Variants in CEACAM20 observed in about 807,000 individuals in gnomAD.
CEACAM20 encodes cell adhesion molecule CEACAM20.
In CEACAM20, 50 loss-of-function variants were observed where a neutral mutation model predicts 61.2. The observed-to-expected ratio is 0.82, with a 90% CI of 0.65 to 1.03. The LOEUF is 1.03. Ranked by LOEUF, CEACAM20 falls within the 50% of genes least tolerant of loss-of-function variation. CEACAM20 has a pLI of 0.00. For synonymous variants in CEACAM20, 282 were observed against 287.7 expected (o/e 0.98, Z 0.20); for missense variants, 683 against 736.4 (o/e 0.93, Z 0.84).
intron 11 of CEACAM20, among the ~76,000 whole-genome samples, chr19:44,507,037 A>G (rs1372809595): frequency 2.0e-5 from 3 of 152,160 alleles, no homozygotes; most frequent in Non-Finnish European, 4.4e-5. Context: ...TCCCTCCAGA[A>G]TGTAGCAGAC....
intron 6 of CEACAM20, among the ~76,000 whole-genome samples, chr19:44,514,626 T>G (rs1023515212): frequency 2.0e-5 from 3 of 151,826 alleles, no homozygotes; most frequent in Non-Finnish European, 4.4e-5. Context: ...TTTGTGTGTG[T>G]GTGTGTATTT....
intron 1 of CEACAM20, 84 bp downstream of exon 1, chr19:44,529,354 GCACACACACACACACACACA>G (rs71940010): frequency 3.3e-5 from 22 of 660,324 alleles, no homozygotes; most frequent in East Asian, 6.1e-5. Flanking sequence ...TTCCTCGAGT[GCACACACACACACACACACA>G]CACACACACA....
Position 44,511,640 on chromosome 19 carries a change from A to G in CEACAM20, c.1608T>C (p.Tyr536=). The G allele has an allele frequency of 5.0e-6, 8 of 1,612,730 alleles. No individual in the cohort carries two copies. The highest frequency in any genetic ancestry group is 6.8e-6 in the Non-Finnish European group (8 of 1,179,500). Reference sequence around the variant, plus strand: ...AAACCCAGCAGGGCCAATGTACCTCATAGGTCTCCTCTGGAAGGTCTGGTG... The same window carrying G: ...AAACCCAGCAGGGCCAATGTACCTCGTAGGTCTCCTCTGGAAGGTCTGGTG... ...MQPPDLPEET[Y]ETKLPSASRR... The change falls in exon 10 of 12, where the codon TAT becomes TAC. Residue 536 remains tyrosine, a synonymous_variant. Coordinates refer to ENST00000614924, the MANE Select transcript of CEACAM20 (RefSeq NM_001102597.3).
At chr19:44,527,577 GA>G (rs1971565986) in intron 1 of CEACAM20, among the ~76,000 whole-genome samples, 1 of 152,122 alleles carries the variant, frequency 6.6e-6, no homozygotes, top group African/African-American at 2.4e-5. Flanking sequence ...CCTCTCTGTG[GA>G]AAGCCTGCCA....
At chr19:44,515,984 C>T (rs1387459205) in intron 6 of CEACAM20, among the ~76,000 whole-genome samples, 4 of 152,166 alleles carry the variant, frequency 2.6e-5, no homozygotes, top group African/African-American at 9.7e-5. Flanking sequence ...ATATGCCAAG[C>T]ACTGCCCTAA....
intron 6 of CEACAM20, among the ~76,000 whole-genome samples, chr19:44,516,332 T>A (rs1046675017): frequency 1.3e-5 from 2 of 152,222 alleles, no homozygotes; most frequent in African/African-American, 2.4e-5. Flanking sequence ...ACGATATGAT[T>A]TGGCTGTGTC....
Position 44,520,608 on chromosome 19 carries a change from T to G in CEACAM20, c.896A>C (p.His299Pro). The change falls in exon 5 of 12, where the codon CAC (histidine) becomes CCC (proline). Residue 299 changes from histidine to proline, a missense_variant. Coordinates refer to ENST00000614924, the MANE Select transcript of CEACAM20 (RefSeq NM_001102597.3). The part of the protein sequence containing the change: ...LSGQPLLPSE[H>P]LQLSADNRTL... The stretch of plus-strand genomic sequence containing the variant: ...CCTGTTGTCAGCTGACAGCTGCAGG[T>G]GCTCACTGGGCAGGAGGGGCTGGCC... The G allele has an allele frequency of 6.2e-7, 1 of 1,613,956 alleles. No homozygotes were observed. Among genetic ancestry groups the G allele is most frequent in the Non-Finnish European group, 8.5e-7 (1 of 1,179,878 alleles).
rs1439473386 is a variant in CEACAM20, at chr19:44,516,939, G to T, written c.1309+7C>A. The stretch of plus-strand genomic sequence containing the variant: ...GTCCTGGGAGAAGGCGACCCTGAGA[G>T]ACTCACCTACCACCTTGACCAGGAC... On this transcript the variant is annotated splice_region_variant and intron_variant, in intron 6 of 11. Coordinates refer to ENST00000614924, the MANE Select transcript of CEACAM20 (RefSeq NM_001102597.3). The T allele has an allele frequency of 6.3e-7, 1 of 1,591,354 alleles. No homozygotes were observed. The highest frequency in any genetic ancestry group is 2.3e-5 in the East Asian group (1 of 43,894).
At chr19:44,511,797 G>C (rs745631959) in intron 9 of CEACAM20, 125 bp from the exon 10 acceptor site, 1 of 1,040,746 alleles carries the variant, frequency 9.6e-7, no homozygotes, top group Admixed American at 2.2e-5. Context: ...AGGGCTCAAA[G>C]CTAGGAATTG....
At position 44,529,480 on chromosome 19, in the gene CEACAM20, G is replaced by C; in HGVS notation, c.30C>G (p.His10Gln). Residue 10 changes from histidine (H) to glutamine (Q), a missense_variant, in exon 1 of 12, where the codon CAC becomes CAG. By Grantham distance (24) the His-to-Gln change is conservative. Transcript: ENST00000614924. MGPADSWGH[H>Q]WMGILLSASL... ...CACCTGAAAGCAGGATTCCCATCCA[G>C]TGGTGTCCCCATGAGTCAGCAGGCC... 3 of 1,613,672 alleles carry C rather than the reference G, an allele frequency of 1.9e-6. No individual in the cohort carries two copies. The South Asian group carries it at 3.3e-5, about 18-fold the overall frequency.
At chr19:44,529,349 C>A in intron 1 of CEACAM20, 109 bp downstream of exon 1, 1 of 950,180 alleles carries the variant, frequency 1.1e-6, no homozygotes, top group South Asian at 1.5e-5. Flanking sequence ...TCTTTTTCCT[C>A]GAGTGCACAC....
Position 44,512,907 on chromosome 19 carries a change from G to A in CEACAM20, c.1474C>T (p.Pro492Ser). 1 of 1,613,818 alleles carries A rather than the reference G, an allele frequency of 6.2e-7. No homozygotes were observed. Among genetic ancestry groups the A allele is most frequent in the South Asian group, 1.1e-5 (1 of 91,010 alleles). Residue 492 changes from proline to serine, a missense_variant, in exon 8 of 12, where the codon CCC (proline) becomes TCC (serine). Pro to Ser is a moderately conservative substitution (Grantham distance 74). Coordinates refer to ENST00000614924, the MANE Select transcript of CEACAM20 (RefSeq NM_001102597.3). The part of the protein sequence containing the change: ...TEDPSHETSQ[P>S]IPKEEHPTEP... ...GTGGGGTGCTCCTCCTTCGGGATGG[G>A]TTGTGAGGTCTCATGACTGGGGTCC...
Position 44,512,970 on chromosome 19 carries a change from C to T in CEACAM20, c.1428-17G>A. The T allele has an allele frequency of 6.3e-7, 1 of 1,599,662 alleles. No individual in the cohort carries two copies. The highest frequency in any genetic ancestry group is 8.5e-7 in the Non-Finnish European group (1 of 1,170,856). On this transcript the variant is annotated splice_polypyrimidine_tract_variant and intron_variant, in intron 7 of 11. Coordinates refer to ENST00000614924, the MANE Select transcript of CEACAM20 (RefSeq NM_001102597.3). ...CTTGAGGGCCTGAAACCCCAAAGCC[C>T]TCATTATTCTGTGCCTCTAGTCCTT...
At chr19:44,524,403 G>T in intron 2 of CEACAM20, 142 bp from the exon 3 acceptor site, 1 of 873,868 alleles carries the variant, frequency 1.1e-6, no homozygotes, top group Non-Finnish European at 1.7e-6. Context: ...GGGCTTGAAT[G>T]CTGGATCTAC....
intron 3 of CEACAM20, among the ~76,000 whole-genome samples, chr19:44,523,382 C>A (rs1971428199): frequency 4.6e-5 from 7 of 151,866 alleles, no homozygotes; most frequent in Admixed American, 4.6e-4. Flanking sequence ...GCACTCCAGC[C>A]TGGACAGCAG....
intron 5 of CEACAM20, among the ~76,000 whole-genome samples, chr19:44,518,889 G>A (rs1276606105): frequency 2.6e-5 from 4 of 152,060 alleles, no homozygotes; most frequent in Non-Finnish European, 5.9e-5. Context: ...ACCCTCTGTG[G>A]CTCCCCAGTG....
intron 1 of CEACAM20, among the ~76,000 whole-genome samples, chr19:44,526,564 A>C (rs555331169): frequency 6.6e-6 from 1 of 151,652 alleles, no homozygotes; most frequent in South Asian, 2.1e-4. Flanking sequence ...ATCATTCTGC[A>C]CACCACTACG....
At chr19:44,528,619 T>C (rs528505711) in intron 1 of CEACAM20, among the ~76,000 whole-genome samples, 75 of 152,278 alleles carry the variant, frequency 4.9e-4, no homozygotes, top group African/African-American at 1.7e-3. Flanking sequence ...TCTCCCTGGG[T>C]CTCTGGTTCT....
intron 5 of CEACAM20, 105 bp from the exon 6 acceptor site, chr19:44,517,329 T>A (rs959352079): frequency 4.4e-6 from 6 of 1,359,662 alleles, no homozygotes; most frequent in Non-Finnish European, 5.1e-6. Context: ...AAACAGAACA[T>A]ACTCCCTTTT....
Sources: allele counts gnomAD v4.1 joint callset (sites outside exome capture counted in the v4.1 genomes callset), GRCh38; gene constraint gnomAD v4.1.1; transcripts MANE v1.5; gene names NCBI Gene and HGNC (gene_info 2026-07-23, HGNC 2026-07-21).